TBL1X: variants seen among roughly 807,000 people sequenced by gnomAD.
TBL1X encodes transducin beta like 1 X-linked.
Under a neutral mutation model 50.7 loss-of-function variants are expected in TBL1X, and 10 were observed. That is an observed-to-expected ratio of 0.20 (90% CI 0.12 to 0.33). The LOEUF is 0.33. TBL1X is among the 10% of genes least tolerant of loss of function. TBL1X has a pLI of 1.00. For missense variants in TBL1X, 340 were observed against 504.4 expected (o/e 0.67, Z 3.12); for synonymous variants, 190 against 214.7 (o/e 0.88, Z 1.01).
intron 3 of TBL1X, among the ~76,000 whole-genome samples, chrX:9,641,358 C>T (rs183629338): frequency 2.7e-4 from 30 of 111,747 alleles, no homozygotes; most frequent in African/African-American, 9.4e-4. Context: ...TACTACCTTT[C>T]GGTACGTGTG....
intron 2 of TBL1X, among the ~76,000 whole-genome samples, chrX:9,583,979 A>G (rs2082455217): frequency 8.9e-6 from 1 of 112,490 alleles, no homozygotes; most frequent in Admixed American, 9.4e-5. Flanking sequence ...GAATAGCTCT[A>G]AAATGTATGG....
chrX:9,711,639 T>C lies in TBL1X; in HGVS notation c.1468T>C (p.Trp490Arg). ...SASFDSTVRL[W>R]DIERGVCTHT... The stretch of plus-strand genomic sequence containing the variant: ...TTCGTTTGATTCTACGGTGCGACTG[T>C]GGGACATAGAACGAGGCGTCTGCAC... Residue 490 changes from tryptophan (W) to arginine (R), a missense_variant, in exon 16 of 18, where the codon TGG (tryptophan) becomes CGG (arginine). Coordinates refer to ENST00000645353, the MANE Select transcript of TBL1X (RefSeq NM_005647.4). 8.3e-7 allele frequency: 1 copy of C among 1,204,878 alleles called. No homozygotes were observed. The highest frequency in any genetic ancestry group is 1.1e-6 in the Non-Finnish European group (1 of 891,389).
At chrX:9,466,177 C>T (rs1171862830) in intron 1 of TBL1X, among the ~76,000 whole-genome samples, 1 of 88,264 alleles carries the variant, frequency 1.1e-5, no homozygotes, top group African/African-American at 4.1e-5. Flanking sequence ...TCTGACGGGG[C>T]GGGTGGGGTG....
rs757838445 is a variant in TBL1X, at chrX:9,709,203, T to C, written c.1237-45T>C. ...CCTGCTGGAAGGTGACCTCATCTAC[T>C]CACAGGCCCTGATGTCTTTTTCACA... On this transcript the variant is annotated intron_variant, in intron 13 of 17. Coordinates refer to ENST00000645353, the MANE Select transcript of TBL1X (RefSeq NM_005647.4). The C allele has an allele frequency of 7.6e-6, 9 of 1,178,002 alleles. No homozygotes were observed. The Admixed American group carries it at 2.0e-4, about 26-fold the overall frequency.
At chrX:9,531,880 G>A (rs1467753307) in intron 2 of TBL1X, among the ~76,000 whole-genome samples, 2 of 110,534 alleles carry the variant, frequency 1.8e-5, no homozygotes, top group African/African-American at 3.3e-5. Flanking sequence ...TTATGGGCGC[G>A]CACCACTACC....
chrX:9,498,855 A>C (rs935730276), intron 1 of TBL1X, among the ~76,000 whole-genome samples: 1 of 112,245 alleles, frequency 8.9e-6, no homozygotes, highest in African/African-American at 3.2e-5. Flanking sequence ...AGCCCAAGGC[A>C]GTTGGGACAT....
At chrX:9,569,040 CTGTA>C (rs756596334) in intron 2 of TBL1X, among the ~76,000 whole-genome samples, 15 of 86,647 alleles carry the variant, frequency 1.7e-4, no homozygotes, top group African/African-American at 6.3e-4. Context: ...GTGTGGTGTG[CTGTA>C]TGTGTGTGTC....
At chrX:9,624,925 T>C (rs2082684914) in intron 2 of TBL1X, among the ~76,000 whole-genome samples, 1 of 112,516 alleles carries the variant, frequency 8.9e-6, no homozygotes, top group African/African-American at 3.2e-5. Context: ...TCTGACCTTT[T>C]TCATTTTTCC....
chrX:9,556,567 T>C (rs1485890483), intron 2 of TBL1X, among the ~76,000 whole-genome samples: 4 of 108,933 alleles, frequency 3.7e-5, no homozygotes, highest in Non-Finnish European at 5.7e-5. Flanking sequence ...GGTGGGAGGA[T>C]CACTTGAGTC....
intron 1 of TBL1X, among the ~76,000 whole-genome samples, chrX:9,486,766 G>A (rs987567630): frequency 4.5e-5 from 5 of 111,474 alleles, no homozygotes; most frequent in African/African-American, 1.6e-4. Flanking sequence ...CACGGGCCAT[G>A]GTCACTCATA....
chrX:9,668,958 T>A lies in TBL1X; in HGVS notation c.211+14636T>A, dbSNP rs2082945754. ...TGCTGCACTTTATACAAATAATCAG[T>A]CCAAGCATAATAAGACTAAGACTTA... On this transcript the variant is annotated intron_variant, in intron 5 of 17. Transcript: ENST00000645353. 2.7e-5 allele frequency among the ~76,000 whole-genome samples: 3 copies of A among 111,842 alleles called. No homozygotes were observed. In the Admixed American group the frequency reaches 2.8e-4, roughly 11 times the overall value.
At chrX:9,706,033 T>A (rs1207122321) in intron 13 of TBL1X, among the ~76,000 whole-genome samples, 1 of 106,891 alleles carries the variant, frequency 9.4e-6, no homozygotes, top group Non-Finnish European at 1.9e-5. Context: ...GTGGGGGGGG[T>A]GTCACATACT....
chrX:9,578,781 T>C (rs2082425522), intron 2 of TBL1X, among the ~76,000 whole-genome samples: 1 of 112,013 alleles, frequency 8.9e-6, no homozygotes, highest in Non-Finnish European at 1.9e-5. Context: ...CAGATAATAT[T>C]GATGATGATA....
At chrX:9,537,482 T>C (rs771623742) in intron 2 of TBL1X, among the ~76,000 whole-genome samples, 1 of 111,710 alleles carries the variant, frequency 9.0e-6, no homozygotes, top group Admixed American at 9.5e-5. Flanking sequence ...ACAAACTCCC[T>C]ATTCTTCCCT....
chrX:9,530,299 A>C (rs764384146), intron 2 of TBL1X, among the ~76,000 whole-genome samples: 1 of 112,267 alleles, frequency 8.9e-6, no homozygotes, highest in African/African-American at 3.2e-5. Flanking sequence ...CTGAATGCAG[A>C]AAATTTTGTT....
At chrX:9,541,926 T>C (rs774742451) in intron 2 of TBL1X, among the ~76,000 whole-genome samples, 12 of 108,742 alleles carry the variant, frequency 1.1e-4, no homozygotes, top group African/African-American at 4.0e-4. Flanking sequence ...TTCATATCTT[T>C]TTTCTTTTCT....
Position 9,717,718 on chromosome X carries a change from C to T in TBL1X, c.*1472C>T, listed in dbSNP as rs1262107573. 2 of 112,281 alleles carry T rather than the reference C, an allele frequency of 1.8e-5. No individual in the cohort carries two copies. The highest frequency in any genetic ancestry group is 3.8e-5 in the Non-Finnish European group (2 of 53,269). The allele number at this position is 112,281 out of a possible 1,213,427, so 9.3% of individuals were successfully genotyped here. A position where few individuals can be genotyped will look rare whatever the true frequency, so the allele number is the denominator to read the frequency against. Reference sequence around the variant, plus strand: ...CGATGGTCATTTCTCCAAGAGCAGGCTTGGCGAGTCCTTGCAGAGCTGACA... The same window carrying T: ...CGATGGTCATTTCTCCAAGAGCAGGTTTGGCGAGTCCTTGCAGAGCTGACA... On this transcript the variant is annotated 3_prime_UTR_variant, in exon 18 of 18. Transcript: ENST00000645353.
chrX:9,705,060 C>A lies in TBL1X; in HGVS notation c.1182C>A (p.Ile394=). ...CCTCCTGTAGCACAGACATGTGTAT[C>A]CATGTGTGCAGGCTCGGCTGTGACC... ...TFASCSTDMC[I]HVCRLGCDRP... Residue 394 remains isoleucine, a synonymous_variant, in exon 13 of 18, where the codon ATC becomes ATA. Transcript: ENST00000645353. 2 of 1,212,141 alleles carry A rather than the reference C, an allele frequency of 1.6e-6. No homozygotes were observed. Among genetic ancestry groups the A allele is most frequent in the East Asian group, 5.9e-5 (2 of 33,855 alleles).
In TBL1X at chrX:9,573,641, C is replaced by T. The variant is rs185762294; in HGVS notation, c.-130-66632C>T. Among the ~76,000 whole-genome samples the T allele has an allele frequency of 2.5e-3, 285 of 112,560 alleles. 1 individual carries two copies. The highest frequency in any genetic ancestry group is 8.8e-3 in the African/African-American group (273 of 31,004). On this transcript the variant is annotated intron_variant, in intron 2 of 17. Coordinates refer to ENST00000645353, the MANE Select transcript of TBL1X (RefSeq NM_005647.4). ...ACCTCATTTGCCCCACAATACCTCA[C>T]CGTGCCAGGGATGCATTTCCTGCCC...
Sources: allele counts gnomAD v4.1 joint callset (sites outside exome capture counted in the v4.1 genomes callset), GRCh38; gene constraint gnomAD v4.1.1; transcripts MANE v1.5; gene names NCBI Gene and HGNC (gene_info 2026-07-23, HGNC 2026-07-21).